The following COA1 variants were observed in gnomAD, a reference collection of about 807,000 sequenced individuals.
COA1 encodes cytochrome c oxidase assembly factor 1.
COA1 carries 13 observed loss-of-function variants against 16.0 expected under a neutral mutation model. That is an observed-to-expected ratio of 0.81 (90% CI 0.53 to 1.29). The LOEUF is 1.29. Among genes scored for constraint, COA1 ranks in the 50% most tolerant of loss-of-function variants. The pLI, the probability that COA1 is intolerant of heterozygous loss-of-function variation, is 0.00. For missense variants in COA1, 179 were observed against 177.0 expected (o/e 1.01, Z -0.06); for synonymous variants, 65 against 65.7 (o/e 0.99, Z 0.05).
chr7:43,718,297 C>T (rs149027090), intron 1 of COA1, among the ~76,000 whole-genome samples: 180 of 152,256 alleles, frequency 1.2e-3, no homozygotes, highest in African/African-American at 4.2e-3. Context: ...CTGTCTAGAT[C>T]ACAAGCTTAT....
chr7:43,712,399 C>T (rs2095279573), intron 1 of COA1, among the ~76,000 whole-genome samples: 1 of 152,164 alleles, frequency 6.6e-6, no homozygotes, highest in Non-Finnish European at 1.5e-5. Context: ...AGGTGTGAGC[C>T]ACTACACTCA....
chr7:43,640,233 G>C (rs1489486418), intron 5 of COA1, among the ~76,000 whole-genome samples: 1 of 152,222 alleles, frequency 6.6e-6, no homozygotes, highest in Non-Finnish European at 1.5e-5. Context: ...TGGAACAAGA[G>C]TCCATGCCCT....
At chr7:43,707,147 G>A (rs144764706) in intron 1 of COA1, among the ~76,000 whole-genome samples, 375 of 151,522 alleles carry the variant, frequency 2.5e-3, no homozygotes, top group African/African-American at 8.1e-3. Flanking sequence ...CCAAGATCAC[G>A]CCACTGCACT....
chr7:43,689,113 C>T (rs542787967), intron 1 of COA1, among the ~76,000 whole-genome samples: 1 of 152,284 alleles, frequency 6.6e-6, no homozygotes, highest in African/African-American at 2.4e-5. Context: ...TTCACACAAC[C>T]ATCACCTTTG....
At chr7:43,614,901 A>G (rs1003116091) in intron 6 of COA1, among the ~76,000 whole-genome samples, 4 of 152,248 alleles carry the variant, frequency 2.6e-5, no homozygotes, top group African/African-American at 9.6e-5. Context: ...CAGGGAATAT[A>G]AAGTGTAAAT....
chr7:43,725,610 G>A (rs2095600116), intron 1 of COA1, among the ~76,000 whole-genome samples: 2 of 152,120 alleles, frequency 1.3e-5, no homozygotes, highest in African/African-American at 4.8e-5. Context: ...TATAACCCCA[G>A]CACTTTAGGA....
chr7:43,611,864 A>G (rs961412237), intron 6 of COA1, among the ~76,000 whole-genome samples: 2 of 152,222 alleles, frequency 1.3e-5, no homozygotes, highest in African/African-American at 4.8e-5. Context: ...ACCTATAGGA[A>G]ATGAGCTTTC....
At chr7:43,697,061 C>A (rs913169610) in intron 1 of COA1, among the ~76,000 whole-genome samples, 1 of 151,226 alleles carries the variant, frequency 6.6e-6, no homozygotes, top group African/African-American at 2.4e-5. Context: ...GAGACAGAGG[C>A]TGCAGTGAAT....
intron 1 of COA1, among the ~76,000 whole-genome samples, chr7:43,677,800 T>TAA (rs11310207): frequency 0.013 from 1,516 of 116,754 alleles, 24 homozygotes; most frequent in African/African-American, 0.046. Flanking sequence ...GGCTCTGTCT[T>TAA]AAAAAAAAAA....
At chr7:43,708,951 C>T (rs908851739) in intron 1 of COA1, among the ~76,000 whole-genome samples, 1 of 151,478 alleles carries the variant, frequency 6.6e-6, no homozygotes, top group Non-Finnish European at 1.5e-5. Flanking sequence ...ATGGTTAATG[C>T]TTTTTTGTGT....
intron 1 of COA1, among the ~76,000 whole-genome samples, chr7:43,726,652 C>T (rs1283958821): frequency 6.6e-6 from 1 of 152,190 alleles, no homozygotes; most frequent in Non-Finnish European, 1.5e-5. Context: ...TGGCCTCCCA[C>T]GTAGTTGTTG....
chr7:43,654,238 G>C (rs574325186), intron 1 of COA1, among the ~76,000 whole-genome samples: 7 of 152,230 alleles, frequency 4.6e-5, no homozygotes, highest in Admixed American at 3.3e-4. Context: ...AGCTTCCAGA[G>C]ACAGCCATTG....
intron 1 of COA1, among the ~76,000 whole-genome samples, chr7:43,702,445 T>C (rs1323247244): frequency 6.6e-6 from 1 of 152,176 alleles, no homozygotes; most frequent in Non-Finnish European, 1.5e-5. Context: ...TTCTGTTCCA[T>C]TGGTCTATGT....
chr7:43,677,433 CAG>C (rs2093579894), intron 1 of COA1, among the ~76,000 whole-genome samples: 1 of 152,198 alleles, frequency 6.6e-6, no homozygotes, highest in South Asian at 2.1e-4. Flanking sequence ...GATAATAAAA[CAG>C]AGGTTTGCCA....
At chr7:43,675,287 T>C (rs1459675084) in intron 1 of COA1, among the ~76,000 whole-genome samples, 1 of 152,180 alleles carries the variant, frequency 6.6e-6, no homozygotes, top group Non-Finnish European at 1.5e-5. Context: ...TGTAGGGACA[T>C]GGATGAAACT....
intron 1 of COA1, among the ~76,000 whole-genome samples, chr7:43,713,772 C>G (rs1318342620): frequency 6.6e-6 from 1 of 152,156 alleles, no homozygotes; most frequent in Non-Finnish European, 1.5e-5. Flanking sequence ...GGTGCACTGG[C>G]TCAGGCCTGT....
At chr7:43,688,891 T>C (rs1340221967) in intron 1 of COA1, among the ~76,000 whole-genome samples, 1 of 152,222 alleles carries the variant, frequency 6.6e-6, no homozygotes, top group Non-Finnish European at 1.5e-5. Context: ...GTGATATGGC[T>C]ACATCTTGCT....
intron 1 of COA1, among the ~76,000 whole-genome samples, chr7:43,728,348 GTTTTGTGTTT>G (rs966492742): frequency 3.0e-5 from 3 of 99,770 alleles, no homozygotes; most frequent in African/African-American, 6.8e-5. Flanking sequence ...GAAGACTTTT[GTTTTGTGTTT>G]TGTTTTGTTT....
intron 6 of COA1, chr7:43,609,512 T>G (rs1382051960): frequency 1.3e-5 from 2 of 152,256 alleles, no homozygotes; most frequent in African/African-American, 2.4e-5. Context: ...GAACAAAGAA[T>G]GGGTGCTCAG....
Sources: gnomAD v4.1 joint callset for allele counts (sites outside exome capture counted in the v4.1 genomes callset) on GRCh38, gnomAD v4.1.1 for gene constraint, MANE v1.5 for transcripts, NCBI Gene and HGNC (gene_info 2026-07-23, HGNC 2026-07-21) for gene names.